The following CCDC83 variants were observed in gnomAD, a reference collection of about 807,000 sequenced individuals.
CCDC83 encodes coiled-coil domain containing 83.
CCDC83 carries 54 observed loss-of-function variants against 50.1 expected under a neutral mutation model. That is an observed-to-expected ratio of 1.08 (90% CI 0.87 to 1.35). The LOEUF (loss-of-function observed/expected upper bound fraction) is 1.35, where lower values mean the gene tolerates loss of function less well. Among genes scored for constraint, CCDC83 ranks in the 40% most tolerant of loss-of-function variants. The probability of loss-of-function intolerance (pLI) is 0.00; values close to 1 mark genes in which losing one functional copy is unlikely to be tolerated. For missense variants in CCDC83, 518 were observed against 473.9 expected, an observed-to-expected ratio of 1.09 and a Z score of -0.86; for synonymous variants, 161 against 153.3, an observed-to-expected ratio of 1.05 and a Z score of -0.37.
chr11:85,917,166 G>GAGAGAGAGAGAGAGAGAGAGAA (rs756949334), intron 10 of CCDC83, among the ~76,000 whole-genome samples: 6 of 62,452 alleles, frequency 9.6e-5, no homozygotes, highest in Admixed American at 4.2e-4. Context: ...GAGAGAGAGA[G>GAGAGAGAGAGAGAGAGAGAGAA]AGAAAGAAAG....
chr11:85,904,887 C>A (rs543368707), intron 7 of CCDC83, among the ~76,000 whole-genome samples: 4 of 152,196 alleles, frequency 2.6e-5, no homozygotes, highest in African/African-American at 9.7e-5. Flanking sequence ...CATATGGCTT[C>A]TATGATAACT....
chr11:85,857,107 A>G (rs568140418), intron 1 of CCDC83, among the ~76,000 whole-genome samples: 39 of 152,308 alleles, frequency 2.6e-4, no homozygotes, highest in African/African-American at 9.1e-4. Context: ...ACTGCCCTAC[A>G]AAGTCACTGA....
At chr11:85,875,969 A>T (rs747561779) in intron 3 of CCDC83, among the ~76,000 whole-genome samples, 15 of 152,174 alleles carry the variant, frequency 9.9e-5, no homozygotes, top group Non-Finnish European at 1.8e-4. Context: ...CAACTGCTCT[A>T]GCAAAAGTTA....
At chr11:85,859,024 A>G (rs2093159238) in intron 1 of CCDC83, among the ~76,000 whole-genome samples, 1 of 152,144 alleles carries the variant, frequency 6.6e-6, no homozygotes, top group South Asian at 2.1e-4. Context: ...AAGCAAGCAT[A>G]GATCTGCTAC....
chr11:85,910,373 G>C (rs2093448044), intron 7 of CCDC83, among the ~76,000 whole-genome samples: 1 of 152,150 alleles, frequency 6.6e-6, no homozygotes, highest in Non-Finnish European at 1.5e-5. Context: ...TGATACAACT[G>C]AATGAATGAA....
intron 2 of CCDC83, 127 bp downstream of exon 2, chr11:85,865,345 C>A: frequency 1.5e-6 from 1 of 653,482 alleles, no homozygotes; most frequent in Non-Finnish European, 2.7e-6. Context: ...GGTTTGGAGG[C>A]CTAATTGCAC....
intron 3 of CCDC83, among the ~76,000 whole-genome samples, chr11:85,880,334 T>C (rs1565140246): frequency 6.6e-6 from 1 of 152,202 alleles, no homozygotes; most frequent in African/African-American, 2.4e-5. Flanking sequence ...TCAACCAGCC[T>C]TGAGTGCAGT....
intron 5 of CCDC83, among the ~76,000 whole-genome samples, chr11:85,888,761 CCA>C (rs1403975790): frequency 6.6e-6 from 1 of 151,946 alleles, no homozygotes; most frequent in African/African-American, 2.4e-5. Flanking sequence ...TATTTTTTTA[CCA>C]AATGGTTTTC....
intron 3 of CCDC83, among the ~76,000 whole-genome samples, chr11:85,877,809 A>G (rs920768349): frequency 1.3e-5 from 2 of 152,200 alleles, no homozygotes; most frequent in African/African-American, 4.8e-5. Flanking sequence ...CTTAGGATTC[A>G]AAACATAGTT....
intron 8 of CCDC83, among the ~76,000 whole-genome samples, chr11:85,912,994 G>A (rs923569195): frequency 2.6e-5 from 4 of 152,046 alleles, no homozygotes; most frequent in African/African-American, 9.7e-5. Flanking sequence ...CTTTTAATGG[G>A]GATTTTCATT....
chr11:85,915,384 G>A, intron 8 of CCDC83, 35 bp from the exon 9 acceptor site: 1 of 1,448,184 alleles, frequency 6.9e-7, no homozygotes, highest in Non-Finnish European at 9.7e-7. Context: ...AATATTTATT[G>A]ACTGACAGAT....
At chr11:85,906,581 T>C (rs1232227588) in intron 7 of CCDC83, among the ~76,000 whole-genome samples, 1 of 152,128 alleles carries the variant, frequency 6.6e-6, no homozygotes, top group African/African-American at 2.4e-5. Context: ...AAGAGCTTTA[T>C]AATAAAGAAC....
chr11:85,866,666 C>CAA (rs200424940), intron 2 of CCDC83, among the ~76,000 whole-genome samples: 28 of 94,138 alleles, frequency 3.0e-4, no homozygotes, highest in African/African-American at 6.9e-4. Flanking sequence ...AAAAACAAAA[C>CAA]AAAAAAAAAA....
rs1212112228 is a variant in CCDC83, at chr11:85,865,169, C to T, written c.46C>T (p.Pro16Ser). 1 of 1,612,912 alleles carries T rather than the reference C, an allele frequency of 6.2e-7. No individual in the cohort carries two copies. The highest frequency in any genetic ancestry group is 1.1e-5 in the South Asian group (1 of 91,062). Reference sequence around the variant, plus strand: ...AAATAAAAAGGATACACATGACGGGCCACCAAAAGAAATTAAACTGCCTAC... The same window carrying T: ...AAATAAAAAGGATACACATGACGGGTCACCAAAAGAAATTAAACTGCCTAC... Reference protein sequence around the residue: ...KANKKDTHDGPPKEIKLPTSE... With the variant: ...KANKKDTHDGSPKEIKLPTSE... Residue 16 changes from proline (P) to serine (S), a missense_variant, in exon 2 of 11, where the codon CCA (proline) becomes TCA (serine). By Grantham distance (74) the Pro-to-Ser change is moderately conservative. Coordinates refer to ENST00000342404, the MANE Select transcript of CCDC83 (RefSeq NM_001286159.2).
At chr11:85,916,508 A>G in intron 10 of CCDC83, 1 of 366,604 alleles carries the variant, frequency 2.7e-6, no homozygotes, top group South Asian at 2.6e-5. Flanking sequence ...CTAGTGGCTT[A>G]TAACAATAAC....
At chr11:85,911,174 A>AT in intron 7 of CCDC83, 107 bp from the exon 8 acceptor site, 5 of 973,214 alleles carry the variant, frequency 5.1e-6, no homozygotes, top group Non-Finnish European at 6.9e-6. Flanking sequence ...TCCGTCTCAA[A>AT]TAAAAAAAAA....
intron 3 of CCDC83, among the ~76,000 whole-genome samples, chr11:85,879,885 G>C (rs2093290139): frequency 6.6e-6 from 1 of 152,152 alleles, no homozygotes; most frequent in African/African-American, 2.4e-5. Context: ...CAAAGTGTTG[G>C]AATTACAGGC....
chr11:85,898,335 T>G (rs993575220), intron 6 of CCDC83, among the ~76,000 whole-genome samples: 1 of 152,160 alleles, frequency 6.6e-6, no homozygotes, highest in Non-Finnish European at 1.5e-5. Flanking sequence ...CGCAGAGAAA[T>G]ACAGTTGGTT....
At chr11:85,879,624 AT>A (rs35944027) in intron 3 of CCDC83, among the ~76,000 whole-genome samples, 4,792 of 147,686 alleles carry the variant, frequency 0.032, 158 homozygotes, top group African/African-American at 0.091. Context: ...AGGATTAACA[AT>A]TTTTTTTTTT....
Sources: gnomAD v4.1 joint callset for allele counts (sites outside exome capture counted in the v4.1 genomes callset) on GRCh38, gnomAD v4.1.1 for gene constraint, MANE v1.5 for transcripts, NCBI Gene and HGNC (gene_info 2026-07-23, HGNC 2026-07-21) for gene names.